Variants in PAWR observed in about 807,000 individuals in gnomAD.
The protein encoded by PAWR is PRKC apoptosis WT1 regulator protein.
Under a neutral mutation model 32.0 loss-of-function variants are expected in PAWR, and 23 were observed. The ratio of observed to expected loss-of-function variants is 0.72; its 90% CI spans 0.52 to 1.02. The LOEUF (loss-of-function observed/expected upper bound fraction) is 1.02, where lower values mean the gene tolerates loss of function less well. PAWR is among the 50% of genes least tolerant of loss of function. The probability of loss-of-function intolerance (pLI) is 0.00; values close to 1 mark genes in which losing one functional copy is unlikely to be tolerated. For missense variants in PAWR, 457 were observed against 437.7 expected, an observed-to-expected ratio of 1.04 and a Z score of -0.39; for synonymous variants, 226 against 187.1, an observed-to-expected ratio of 1.21 and a Z score of -1.70.
Position 79,690,288 on chromosome 12 carries a change from C to T in PAWR, c.-44G>A, listed in dbSNP as rs1389472248. The T allele has an allele frequency of 7.1e-7, 1 of 1,411,128 alleles. No individual in the cohort carries two copies. The highest frequency in any genetic ancestry group is 3.0e-5 in the East Asian group (1 of 32,852). 87.4% of individuals were successfully genotyped at this position (1,411,128 alleles called of 1,614,324 possible). On this transcript the variant is annotated 5_prime_UTR_variant, in exon 2 of 7. Coordinates refer to ENST00000328827, the MANE Select transcript of PAWR (RefSeq NM_002583.4). The stretch of plus-strand genomic sequence containing the variant: ...CGGGCTCTCACCTCAGGCCGCCCAC[C>T]AGGGCTCCGGCCGCTGCCTCCTCTT...
rs73345510 is a variant in PAWR, at chr12:79,648,554, G to C, written c.517-27347C>G. Among the ~76,000 whole-genome samples, 39 of 151,504 alleles carry C rather than the reference G, an allele frequency of 2.6e-4. 1 individual carries two copies. In the South Asian group the frequency reaches 6.3e-3, roughly 24 times the overall value. ...CAGTAATGCTTTGGGAGACCAAGGC[G>C]GGGGGATCGCTTGAGCAAAAGAGTT... On this transcript the variant is annotated intron_variant, in intron 2 of 6. Transcript: ENST00000328827.
intron 5 of PAWR, among the ~76,000 whole-genome samples, chr12:79,594,790 C>G (rs1190728047): frequency 6.6e-6 from 1 of 152,122 alleles, no homozygotes; most frequent in East Asian, 1.9e-4. Flanking sequence ...CACCTTGGCT[C>G]ACTGCAACCT....
At chr12:79,661,767 C>T (rs893244609) in intron 2 of PAWR, among the ~76,000 whole-genome samples, 1 of 152,120 alleles carries the variant, frequency 6.6e-6, no homozygotes, top group Non-Finnish European at 1.5e-5. Flanking sequence ...TATGAAAAGT[C>T]TATGTGTCAT....
chr12:79,640,677 G>A (rs1019013574), intron 2 of PAWR, among the ~76,000 whole-genome samples: 2 of 152,132 alleles, frequency 1.3e-5, no homozygotes, highest in Non-Finnish European at 2.9e-5. Context: ...GGAAGTCCAG[G>A]ATGAGGCTGC....
At position 79,624,056 on chromosome 12, in the gene PAWR, G is replaced by A. The variant is rs186125391; in HGVS notation, c.517-2849C>T. On this transcript the variant is annotated intron_variant, in intron 2 of 6. Transcript: ENST00000328827. The stretch of plus-strand genomic sequence containing the variant: ...TCTCATCTCTAGTCTTCTACTGTGT[G>A]AAAGCAATCATCACTTATTCTCCAG... Among the ~76,000 whole-genome samples the A allele has an allele frequency of 2.0e-5, 3 of 152,268 alleles. No homozygotes were observed. The East Asian group carries it at 5.8e-4, about 29-fold the overall frequency.
At chr12:79,688,107 G>A (rs2136900081) in intron 2 of PAWR, among the ~76,000 whole-genome samples, 1 of 152,114 alleles carries the variant, frequency 6.6e-6, no homozygotes, top group African/African-American at 2.4e-5. Flanking sequence ...GTAGTGGGAA[G>A]TCATCTACAT....
chr12:79,686,931 A>T (rs1878708230), intron 2 of PAWR, among the ~76,000 whole-genome samples: 1 of 152,124 alleles, frequency 6.6e-6, no homozygotes, highest in Non-Finnish European at 1.5e-5. Flanking sequence ...TTGAGAATAT[A>T]CACTGCCGTG....
At chr12:79,634,074 A>T (rs1875844476) in intron 2 of PAWR, among the ~76,000 whole-genome samples, 1 of 152,148 alleles carries the variant, frequency 6.6e-6, no homozygotes, top group African/African-American at 2.4e-5. Context: ...TATGATTGAA[A>T]TCCCCAAATA....
Position 79,690,183 on chromosome 12 carries a change from T to C in PAWR, c.62A>G (p.Glu21Gly). The change falls in exon 2 of 7, where the codon GAG becomes GGG. Residue 21 changes from glutamate (E) to glycine (G), a missense_variant. Coordinates refer to ENST00000328827, the MANE Select transcript of PAWR (RefSeq NM_002583.4). ...GLGGSTTDFL[E>G]EWKAKREKMR... ...CTTCTCGCGTTTCGCCTTCCACTCC[T>C]CCAGGAAGTCTGTGGTGCTGCCGCC... 6.5e-7 allele frequency: 1 copy of C among 1,532,480 alleles called. No homozygotes were observed. Among genetic ancestry groups the C allele is most frequent in the East Asian group, 2.6e-5 (1 of 38,408 alleles). 94.9% of individuals were successfully genotyped at this position (1,532,480 alleles called of 1,614,324 possible).
intron 2 of PAWR, among the ~76,000 whole-genome samples, chr12:79,667,530 A>G (rs953063243): frequency 1.3e-5 from 2 of 152,228 alleles, no homozygotes; most frequent in African/African-American, 4.8e-5. Context: ...TACAGGAAGA[A>G]TGTAAAGATT....
chr12:79,638,138 C>CAA (rs58631565), intron 2 of PAWR, among the ~76,000 whole-genome samples: 250 of 137,762 alleles, frequency 1.8e-3, no homozygotes, highest in African/African-American at 6.2e-3. Context: ...TTTTGGGTTT[C>CAA]AAAAAAAAAA....
At chr12:79,629,925 A>G (rs1196921011) in intron 2 of PAWR, among the ~76,000 whole-genome samples, 1 of 152,140 alleles carries the variant, frequency 6.6e-6, no homozygotes, top group Admixed American at 6.5e-5. Context: ...TTTTCAAATG[A>G]ATTTTAAAAG....
At chr12:79,633,584 CAT>C (rs1875819902) in intron 2 of PAWR, among the ~76,000 whole-genome samples, 1 of 151,992 alleles carries the variant, frequency 6.6e-6, no homozygotes, top group Admixed American at 6.6e-5. Context: ...GGCTCTCTGT[CAT>C]ATAAAAACAA....
At chr12:79,657,071 G>A (rs371993261) in intron 2 of PAWR, among the ~76,000 whole-genome samples, 3 of 152,112 alleles carry the variant, frequency 2.0e-5, no homozygotes, top group Admixed American at 6.5e-5. Flanking sequence ...AGAGTCATCC[G>A]AAAGGTTGAA....
rs961333185 is a variant in PAWR, at chr12:79,660,540, C to T, written c.516+29189G>A. Among the ~76,000 whole-genome samples, 9 of 151,398 alleles carry T rather than the reference C, an allele frequency of 5.9e-5. No individual in the cohort carries two copies. In the East Asian group the frequency reaches 1.8e-3, roughly 30 times the overall value. On this transcript the variant is annotated intron_variant, in intron 2 of 6. Coordinates refer to ENST00000328827, the MANE Select transcript of PAWR (RefSeq NM_002583.4). ...AAAGATCTCTTCCCTAAACTCCAGACGTGATATATCTAGCAAGATGGCTAA... is the reference window on the plus strand; with the variant it reads ...AAAGATCTCTTCCCTAAACTCCAGATGTGATATATCTAGCAAGATGGCTAA...
Position 79,592,588 on chromosome 12 carries a change from A to T in PAWR, c.*19T>A, listed in dbSNP as rs1164288857. 1 of 752,464 alleles carries T rather than the reference A, an allele frequency of 1.3e-6. No individual in the cohort carries two copies. Among genetic ancestry groups the T allele is most frequent in the Non-Finnish European group, 2.4e-6 (1 of 411,908 alleles). The allele number at this position is 752,464 out of a possible 1,614,324, so 46.6% of individuals were successfully genotyped here. On this transcript the variant is annotated 3_prime_UTR_variant, in exon 7 of 7. Transcript: ENST00000328827. ...ATCAGTAGTTTAAAATATTTTTTCC[A>T]CATTGAGTCTTGAATCCTCTACCTG... is the stretch of plus-strand genomic sequence containing the variant.
At chr12:79,595,036 C>A (rs1873698462) in intron 5 of PAWR, among the ~76,000 whole-genome samples, 1 of 152,076 alleles carries the variant, frequency 6.6e-6, no homozygotes, top group Non-Finnish European at 1.5e-5. Flanking sequence ...ACTTATTTAG[C>A]TTATCACCAC....
intron 4 of PAWR, among the ~76,000 whole-genome samples, chr12:79,606,738 T>C (rs1281631497): frequency 6.6e-6 from 1 of 152,164 alleles, no homozygotes; most frequent in Non-Finnish European, 1.5e-5. Flanking sequence ...AAATTAACAT[T>C]ACTACCATGA....
intron 4 of PAWR, among the ~76,000 whole-genome samples, chr12:79,598,303 G>C (rs894977438): frequency 1.3e-5 from 2 of 152,116 alleles, no homozygotes; most frequent in Admixed American, 6.5e-5. Flanking sequence ...ACTCAACAAG[G>C]GATAATGTAT....
Sources: gnomAD v4.1 joint callset for allele counts (sites outside exome capture counted in the v4.1 genomes callset) on GRCh38, gnomAD v4.1.1 for gene constraint, MANE v1.5 for transcripts, NCBI Gene and HGNC (gene_info 2026-07-23, HGNC 2026-07-21) for gene names.